RBBP8: variants seen among roughly 807,000 people sequenced by gnomAD.
RBBP8 encodes the protein DNA endonuclease RBBP8.
A neutral mutation model predicts 108.3 loss-of-function variants in RBBP8; 88 were observed. The ratio of observed to expected loss-of-function variants is 0.81; its 90% CI spans 0.68 to 0.97. The LOEUF (loss-of-function observed/expected upper bound fraction) is 0.97. Ranked by LOEUF, RBBP8 falls within the 50% of genes least tolerant of loss-of-function variation. RBBP8 has a pLI of 0.00. For missense variants in RBBP8, 1,023 were observed against 1,049.0 expected (o/e 0.98, Z 0.34); for synonymous variants, 332 against 348.2 (o/e 0.95, Z 0.52).
Position 22,949,793 on chromosome 18 carries a change from T to C in RBBP8, c.248+80T>C, listed in dbSNP as rs1021774836. ...TACATTGACTTTCATTTGTAATTAG[T>C]TTTGGGATTGAAAGTGATCTTTCCC... On this transcript the variant is annotated intron_variant, in intron 4 of 18. Transcript: ENST00000327155. 9.9e-6 allele frequency: 11 copies of C among 1,108,556 alleles called. No homozygotes were observed. In the Admixed American group the frequency reaches 1.9e-4, roughly 19 times the overall value. The allele number at this position is 1,108,556 out of a possible 1,614,324, so 68.7% of individuals were successfully genotyped here. A position where few individuals can be genotyped will look rare whatever the true frequency, so the allele number is the denominator to read the frequency against.
intron 3 of RBBP8, among the ~76,000 whole-genome samples, chr18:22,919,964 C>T (rs1239821344): frequency 2.0e-5 from 3 of 151,990 alleles, no homozygotes; most frequent in African/African-American, 7.3e-5. Context: ...TAAATGTTTA[C>T]AGTAGATATT....
At chr18:23,012,616 A>G (rs2046188461) in intron 16 of RBBP8, among the ~76,000 whole-genome samples, 1 of 152,230 alleles carries the variant, frequency 6.6e-6, no homozygotes, top group Non-Finnish European at 1.5e-5. Context: ...AAACTAGCAG[A>G]GGTTGGTTCA....
chr18:22,933,786 G>T, intron 1 of RBBP8: 1 of 152,216 alleles, frequency 6.6e-6, no homozygotes, highest in African/African-American at 2.4e-5. Context: ...TCCCGCGCGG[G>T]CTGAGGAAGC....
chr18:23,009,721 A>C (rs1239675914), intron 16 of RBBP8, among the ~76,000 whole-genome samples: 2 of 152,094 alleles, frequency 1.3e-5, no homozygotes, highest in African/African-American at 4.8e-5. Context: ...ACATGTATAT[A>C]GTCATGCTAT....
Position 22,981,062 on chromosome 18 carries a change from T to C in RBBP8, c.429-1156T>C, listed in dbSNP as rs921052999. Among the ~76,000 whole-genome samples the C allele has an allele frequency of 2.1e-5, 3 of 144,808 alleles. No individual in the cohort carries two copies. The Admixed American group carries it at 2.1e-4, about 10-fold the overall frequency. 95.0% of individuals were successfully genotyped at this position (144,808 alleles called of 152,430 possible). On this transcript the variant is annotated intron_variant, in intron 6 of 18. Transcript: ENST00000327155. The stretch of plus-strand genomic sequence containing the variant: ...ATCTCAGCTCACTGCAAGCTCCGAC[T>C]CTGGGTTCACGCCATTCTCCTGCCT...
At chr18:23,010,799 A>G (rs958385636) in intron 16 of RBBP8, among the ~76,000 whole-genome samples, 1 of 152,174 alleles carries the variant, frequency 6.6e-6, no homozygotes, top group African/African-American at 2.4e-5. Flanking sequence ...GAGAATACTA[A>G]GACTGCAAAC....
At chr18:22,952,943 GT>G (rs1414398008) in intron 4 of RBBP8, among the ~76,000 whole-genome samples, 1 of 152,174 alleles carries the variant, frequency 6.6e-6, no homozygotes, top group African/African-American at 2.4e-5. Context: ...AATGCTTTTT[GT>G]TCCATCATTC....
At chr18:22,949,824 C>T in intron 4 of RBBP8, 111 bp downstream of exon 4, 3 of 752,108 alleles carry the variant, frequency 4.0e-6, no homozygotes, top group Non-Finnish European at 6.9e-6. Flanking sequence ...TTCCCACAGC[C>T]TTCTCTCACC....
chr18:22,933,582 CTT>C lies in RBBP8; in HGVS notation c.-99+20_-99+21del, dbSNP rs1260886427. On this transcript the variant is annotated intron_variant, in intron 1 of 18. Coordinates refer to ENST00000327155, the MANE Select transcript of RBBP8 (RefSeq NM_002894.3). ...CGGAGGCGGTGAGTAAAAGCAATCT[CTT>C]TACCCCACCCGGAGCTCTGGGTCGG... 2 of 146,668 alleles carry C rather than the reference CTT, an allele frequency of 1.4e-5. No individual in the cohort carries two copies. Among genetic ancestry groups the C allele is most frequent in the Non-Finnish European group, 2.9e-5 (2 of 68,188 alleles). 9.1% of individuals were successfully genotyped at this position (146,668 alleles called of 1,614,324 possible).
At chr18:22,955,245 C>T (rs1252913301) in intron 4 of RBBP8, among the ~76,000 whole-genome samples, 1 of 152,002 alleles carries the variant, frequency 6.6e-6, no homozygotes, top group African/African-American at 2.4e-5. Flanking sequence ...GGCAGGGAGT[C>T]GGGGTGGGAT....
At position 23,016,870 on chromosome 18, in the gene RBBP8, G is replaced by GA. The variant is rs1173769568; in HGVS notation, c.2406dup (p.Glu803ArgfsTer12). ...ATTTTCCTCATATTGAGGTGGTTCG[G>GA]AAAAAAGAGGAGAGAAGAAAACTGC... On this transcript the variant is annotated frameshift_variant, in exon 17 of 19. Transcript: ENST00000327155. LOFTEE classifies it high-confidence loss of function. 1.2e-6 allele frequency: 2 copies of GA among 1,613,784 alleles called. No individual in the cohort carries two copies. The highest frequency in any genetic ancestry group is 2.2e-5 in the East Asian group (1 of 44,842).
intron 14 of RBBP8, among the ~76,000 whole-genome samples, chr18:22,998,303 T>G (rs1255803782): frequency 6.6e-6 from 1 of 152,168 alleles, no homozygotes; most frequent in Non-Finnish European, 1.5e-5. Flanking sequence ...ACATTCAGAA[T>G]GATAGTGTAT....
intron 18 of RBBP8, among the ~76,000 whole-genome samples, chr18:23,023,296 T>G (rs906008589): frequency 3.9e-5 from 6 of 152,218 alleles, no homozygotes; most frequent in Non-Finnish European, 1.5e-5. Flanking sequence ...GAATTTTGGA[T>G]TTTAAAACCT....
At chr18:22,919,289 A>G (rs1051331240) in intron 3 of RBBP8, among the ~76,000 whole-genome samples, 3 of 152,200 alleles carry the variant, frequency 2.0e-5, no homozygotes, top group Admixed American at 1.3e-4. Context: ...ATGAATAAAG[A>G]GCAAAAAATT....
intron 8 of RBBP8, among the ~76,000 whole-genome samples, chr18:22,985,600 G>A (rs951941636): frequency 6.6e-6 from 1 of 152,058 alleles, no homozygotes; most frequent in African/African-American, 2.4e-5. Context: ...GATTGGTTTG[G>A]ACAACAGGAA....
At position 22,993,858 on chromosome 18, in the gene RBBP8, C is replaced by CATA. The variant is rs766047312; in HGVS notation, c.1939+13_1939+15dup. On this transcript the variant is annotated intron_variant, in intron 12 of 18. Transcript: ENST00000327155. ...TACAAAACAACCAAGGTGTGTACACCATAAACAGGATCTCCACTTTTTTAA... is the reference window on the plus strand; with the variant it reads ...TACAAAACAACCAAGGTGTGTACACCATAATAAACAGGATCTCCACTTTTTTAA... The CATA allele has an allele frequency of 3.1e-6, 5 of 1,610,110 alleles. No homozygotes were observed. The highest frequency in any genetic ancestry group is 3.4e-6 in the Non-Finnish European group (4 of 1,176,648).
At chr18:22,985,830 C>G (rs1915289439) in intron 8 of RBBP8, among the ~76,000 whole-genome samples, 1 of 151,882 alleles carries the variant, frequency 6.6e-6, no homozygotes, top group African/African-American at 2.4e-5. Context: ...TAGATGGCAT[C>G]TAAGCCATGA....
chr18:22,974,116 C>T (rs1231697686), intron 5 of RBBP8, among the ~76,000 whole-genome samples: 1 of 152,160 alleles, frequency 6.6e-6, no homozygotes, highest in African/African-American at 2.4e-5. Flanking sequence ...AATTAACCTT[C>T]TTTGGTGAAA....
intron 16 of RBBP8, among the ~76,000 whole-genome samples, chr18:23,011,748 T>TA (rs931166820): frequency 6.6e-6 from 1 of 152,092 alleles, no homozygotes; most frequent in Non-Finnish European, 1.5e-5. Flanking sequence ...CTGATGCTGT[T>TA]ATTATAAGTG....
Sources: allele counts gnomAD v4.1 joint callset (sites outside exome capture counted in the v4.1 genomes callset), GRCh38; gene constraint gnomAD v4.1.1; transcripts MANE v1.5; gene names NCBI Gene and HGNC (gene_info 2026-07-23, HGNC 2026-07-21).